Variants in CFAP61 observed in about 807,000 individuals in gnomAD.
CFAP61 encodes the protein cilia- and flagella-associated protein 61.
Under a neutral mutation model 135.6 loss-of-function variants are expected in CFAP61, and 107 were observed. That is an observed-to-expected ratio of 0.79 (90% CI 0.67 to 0.93). The LOEUF (loss-of-function observed/expected upper bound fraction) is 0.93. Among genes scored for constraint, CFAP61 ranks in the 40% least tolerant of loss-of-function variants. CFAP61 has a pLI of 0.00. For missense variants in CFAP61, 1,507 were observed against 1,556.2 expected (o/e 0.97, Z 0.53); for synonymous variants, 575 against 578.5 (o/e 0.99, Z 0.09).
intron 26 of CFAP61, among the ~76,000 whole-genome samples, chr20:20,347,789 C>G (rs1397639762): frequency 6.6e-6 from 1 of 151,804 alleles, no homozygotes; most frequent in African/African-American, 2.4e-5. Flanking sequence ...AAAAATTAGC[C>G]CGTCATGGTG....
chr20:20,270,778 T>A (rs1013400380), intron 21 of CFAP61, among the ~76,000 whole-genome samples: 3 of 151,738 alleles, frequency 2.0e-5, no homozygotes, highest in Non-Finnish European at 4.4e-5. Context: ...CAAATGATCC[T>A]CCTACCTCAG....
chr20:20,189,719 G>C (rs2055781032), intron 14 of CFAP61, among the ~76,000 whole-genome samples: 1 of 152,228 alleles, frequency 6.6e-6, no homozygotes, highest in South Asian at 2.1e-4. Flanking sequence ...TGGATCTCTA[G>C]TGTTGCTGGT....
intron 13 of CFAP61, among the ~76,000 whole-genome samples, chr20:20,183,608 T>C (rs902820915): frequency 4.6e-5 from 7 of 152,242 alleles, no homozygotes; most frequent in African/African-American, 1.2e-4. Context: ...GCCACATTAA[T>C]TTAAAAATCA....
intron 22 of CFAP61, among the ~76,000 whole-genome samples, chr20:20,283,744 A>G (rs1409575513): frequency 2.0e-5 from 3 of 152,246 alleles, no homozygotes; most frequent in Non-Finnish European, 4.4e-5. Flanking sequence ...TTGCTGGCCC[A>G]GCCAGGGGCT....
chr20:20,087,718 C>A (rs1164225722), intron 6 of CFAP61, among the ~76,000 whole-genome samples: 1 of 152,246 alleles, frequency 6.6e-6, no homozygotes, highest in South Asian at 2.1e-4. Context: ...TTGCACATAA[C>A]CCTTTTTTAA....
chr20:20,076,504 G>C (rs2046060589), intron 6 of CFAP61, among the ~76,000 whole-genome samples: 1 of 152,152 alleles, frequency 6.6e-6, no homozygotes, highest in Non-Finnish European at 1.5e-5. Context: ...CAGACCCCAA[G>C]TGAGGATGCC....
intron 24 of CFAP61, among the ~76,000 whole-genome samples, chr20:20,293,745 G>C (rs149135640): frequency 6.6e-6 from 1 of 152,260 alleles, no homozygotes; most frequent in African/African-American, 2.4e-5. Context: ...ACCCCAAGTC[G>C]TCTACATAAT....
chr20:20,083,035 T>A (rs1330004781), intron 6 of CFAP61, among the ~76,000 whole-genome samples: 1 of 152,154 alleles, frequency 6.6e-6, no homozygotes, highest in African/African-American at 2.4e-5. Flanking sequence ...AAAAGATACA[T>A]GTATACACAC....
intron 6 of CFAP61, chr20:20,085,294 G>T: frequency 1.0e-6 from 1 of 985,414 alleles, no homozygotes; most frequent in Non-Finnish European, 1.2e-6. Flanking sequence ...CATAGCTGGG[G>T]TGTTTTGTTT....
rs747871187 is a variant in CFAP61 at position 20,263,147 on chromosome 20, CTG to C, written c.2503+20_2503+21del. 6 of 1,594,740 alleles carry C rather than the reference CTG, an allele frequency of 3.8e-6. No individual in the cohort carries two copies. The highest frequency in any genetic ancestry group is 1.3e-5 in the African/African-American group (1 of 74,622). ...CCACAGAAGGTAAGGATGTCGGTAACTGTGCATCTCTTCAGAATAGCGTTTTA... is the reference window on the plus strand; with the variant it reads ...CCACAGAAGGTAAGGATGTCGGTAACTGCATCTCTTCAGAATAGCGTTTTA... On this transcript the variant is annotated intron_variant, in intron 21 of 26. Coordinates refer to ENST00000245957, the MANE Select transcript of CFAP61 (RefSeq NM_015585.4).
At chr20:20,311,962 A>G (rs2056857793) in intron 25 of CFAP61, among the ~76,000 whole-genome samples, 1 of 152,222 alleles carries the variant, frequency 6.6e-6, no homozygotes, top group Non-Finnish European at 1.5e-5. Context: ...AATTAGTCCT[A>G]AACCAAACAT....
intron 19 of CFAP61, among the ~76,000 whole-genome samples, chr20:20,248,876 C>T (rs1005430097): frequency 5.9e-5 from 9 of 152,312 alleles, no homozygotes; most frequent in East Asian, 1.9e-4. Flanking sequence ...GGAATTTCCC[C>T]GTCCTCCATT....
intron 25 of CFAP61, among the ~76,000 whole-genome samples, chr20:20,321,561 G>A (rs1350541414): frequency 6.6e-6 from 1 of 152,160 alleles, no homozygotes; most frequent in Non-Finnish European, 1.5e-5. Context: ...ATAAGACTAG[G>A]TTTTGGGAAG....
At chr20:20,182,669 A>G (rs954275608) in intron 13 of CFAP61, among the ~76,000 whole-genome samples, 7 of 151,748 alleles carry the variant, frequency 4.6e-5, no homozygotes, top group Non-Finnish European at 5.9e-5. Flanking sequence ...TTGAGAGTTT[A>G]TTTCTTACAT....
chr20:20,341,995 C>A, intron 26 of CFAP61, 74 bp downstream of exon 26: 2 of 991,830 alleles, frequency 2.0e-6, no homozygotes, highest in African/African-American at 1.6e-5. Context: ...ATCATTTAGA[C>A]TTTTCCCTAC....
At chr20:20,281,601 T>A (rs1242859110) in intron 22 of CFAP61, among the ~76,000 whole-genome samples, 7 of 152,218 alleles carry the variant, frequency 4.6e-5, no homozygotes, top group African/African-American at 1.7e-4. Context: ...GAATGAAACC[T>A]AATTGGTCAT....
intron 21 of CFAP61, among the ~76,000 whole-genome samples, chr20:20,270,701 A>C (rs1260692806): frequency 6.8e-6 from 1 of 147,948 alleles, no homozygotes; most frequent in African/African-American, 2.5e-5. Context: ...TTTTTTTAAG[A>C]CAGAGCCTGT....
intron 20 of CFAP61, chr20:20,259,767 C>T (rs1270898680): frequency 6.6e-6 from 1 of 152,094 alleles, no homozygotes; most frequent in East Asian, 1.9e-4. Context: ...TGCAGTTTTT[C>T]AGCCGAGCAT....
chr20:20,312,549 G>A (rs1400378578), intron 25 of CFAP61, among the ~76,000 whole-genome samples: 1 of 152,028 alleles, frequency 6.6e-6, no homozygotes, highest in Non-Finnish European at 1.5e-5. Flanking sequence ...AAGAAATAAC[G>A]ACCAAAATTT....
Sources: gnomAD v4.1 joint callset for allele counts (sites outside exome capture counted in the v4.1 genomes callset) on GRCh38, gnomAD v4.1.1 for gene constraint, MANE v1.5 for transcripts, NCBI Gene and HGNC (gene_info 2026-07-23, HGNC 2026-07-21) for gene names.